Variants in SEC63 observed in about 807,000 individuals in gnomAD.
The protein encoded by SEC63 is translocation protein SEC63 homolog.
In SEC63, 56 loss-of-function variants were observed where a neutral mutation model predicts 116.2. That is an observed-to-expected ratio of 0.48 (90% CI 0.39 to 0.60). SEC63 has a LOEUF of 0.60. SEC63 is among the 20% of genes least tolerant of loss of function. The probability of loss-of-function intolerance (pLI) is 0.00; values close to 1 mark genes in which losing one functional copy is unlikely to be tolerated. For synonymous variants in SEC63, 273 were observed against 294.6 expected, an observed-to-expected ratio of 0.93 and a Z score of 0.75; for missense variants, 668 against 900.0, an observed-to-expected ratio of 0.74 and a Z score of 3.30.
At chr6:107,909,924 T>C (rs1011349496) in intron 7 of SEC63, among the ~76,000 whole-genome samples, 17 of 152,212 alleles carry the variant, frequency 1.1e-4, no homozygotes, top group Non-Finnish European at 2.9e-5. Context: ...ATCTCCGTAT[T>C]ATAGTATTAT....
At chr6:107,934,474 T>G (rs555201777) in intron 1 of SEC63, among the ~76,000 whole-genome samples, 24 of 97,810 alleles carry the variant, frequency 2.5e-4, no homozygotes, top group African/African-American at 8.9e-4. Flanking sequence ...GGAGCGTCTC[T>G]GCCCGGCCGC....
chr6:107,924,938 T>C lies in SEC63; in HGVS notation c.225-6A>G, dbSNP rs757729461. ...CTGCAAGCAGAACTATTTTCCTGTT[T>C]AGGAAAAAGGTAAGTGAATCATAAA... On this transcript the variant is annotated splice_region_variant and splice_polypyrimidine_tract_variant and intron_variant, in intron 2 of 20. Transcript: ENST00000369002. 2.7e-6 allele frequency: 4 copies of C among 1,488,134 alleles called. No individual in the cohort carries two copies. The highest frequency in any genetic ancestry group is 1.7e-4 in the Middle Eastern group (1 of 5,828). The allele number at this position is 1,488,134 out of a possible 1,614,324, so 92.2% of individuals were successfully genotyped here.
intron 1 of SEC63, among the ~76,000 whole-genome samples, chr6:107,940,352 T>C (rs1333493716): frequency 6.6e-6 from 1 of 152,180 alleles, no homozygotes; most frequent in African/African-American, 2.4e-5. Flanking sequence ...CATACAATTA[T>C]ATCATATATT....
intron 6 of SEC63, 114 bp from the exon 7 acceptor site, chr6:107,911,510 T>C: frequency 1.4e-6 from 1 of 740,550 alleles, no homozygotes; most frequent in Non-Finnish European, 2.4e-6. Context: ...ATTCCTCATG[T>C]ATTATCTTGT....
chr6:107,876,902 C>A, intron 18 of SEC63: 1 of 445,594 alleles, frequency 2.2e-6, no homozygotes. Flanking sequence ...TCCTTAAAAC[C>A]TATTGATTGG....
intron 1 of SEC63, among the ~76,000 whole-genome samples, chr6:107,930,465 G>A (rs1319304899): frequency 1.3e-5 from 2 of 151,772 alleles, no homozygotes; most frequent in Admixed American, 1.3e-4. Context: ...AAATTAGCCA[G>A]GCGTGGTGGT....
intron 3 of SEC63, among the ~76,000 whole-genome samples, chr6:107,923,692 A>AT (rs34366728): frequency 0.074 from 10,271 of 139,090 alleles, 1,112 homozygotes; most frequent in African/African-American, 0.26. Context: ...CACCCAGGTA[A>AT]TTTTTTTTTT....
intron 4 of SEC63, among the ~76,000 whole-genome samples, chr6:107,913,845 C>T (rs1787340264): frequency 6.6e-6 from 1 of 152,112 alleles, no homozygotes; most frequent in South Asian, 2.1e-4. Context: ...ATGATAAATA[C>T]ACATTTTTTA....
In SEC63 at chr6:107,908,926, C is replaced by T. The variant is rs886041028; in HGVS notation, c.733+1G>A. 3.2e-6 allele frequency: 5 copies of T among 1,563,806 alleles called. No individual in the cohort carries two copies. Among genetic ancestry groups the T allele is most frequent in the East Asian group, 2.2e-5 (1 of 44,556 alleles). On this transcript the variant is annotated splice_donor_variant, in intron 8 of 20. Coordinates refer to ENST00000369002, the MANE Select transcript of SEC63 (RefSeq NM_007214.5). LOFTEE classifies it high-confidence loss of function. ...AGCAAAGTTACTTAAAGTTTACTTA[C>T]GTTTCATATCCATATTTCGGGTTTT...
intron 1 of SEC63, among the ~76,000 whole-genome samples, chr6:107,941,512 AAAGG>A (rs1770375300): frequency 6.6e-6 from 1 of 152,138 alleles, no homozygotes; most frequent in South Asian, 2.1e-4. Context: ...CAAAAAAAAA[AAAGG>A]AAGAAGGAAA....
intron 7 of SEC63, 65 bp downstream of exon 7, chr6:107,911,281 G>A (rs1175230750): frequency 2.4e-5 from 25 of 1,049,686 alleles, no homozygotes; most frequent in Non-Finnish European, 3.6e-5. Context: ...AATGTTATAG[G>A]GAGACTCCAA....
At chr6:107,892,552 C>T (rs765145583) in intron 16 of SEC63, among the ~76,000 whole-genome samples, 18 of 151,292 alleles carry the variant, frequency 1.2e-4, no homozygotes, top group Admixed American at 2.6e-4. Context: ...ACCTCACTGA[C>T]GAAAAAAAGA....
intron 10 of SEC63, among the ~76,000 whole-genome samples, 165 bp downstream of exon 10, chr6:107,906,283 G>A (rs1047747295): frequency 2.0e-5 from 3 of 152,160 alleles, no homozygotes; most frequent in African/African-American, 7.2e-5. Context: ...TTCCTGTACA[G>A]CCATCAGAAC....
At chr6:107,949,396 T>C (rs1444368559) in intron 1 of SEC63, among the ~76,000 whole-genome samples, 1 of 152,054 alleles carries the variant, frequency 6.6e-6, no homozygotes. Context: ...TCCCAGCACT[T>C]TGAGAGTCCG....
At chr6:107,904,424 AC>A (rs1298832653) in intron 11 of SEC63, among the ~76,000 whole-genome samples, 1 of 151,826 alleles carries the variant, frequency 6.6e-6, no homozygotes, top group Non-Finnish European at 1.5e-5. Context: ...AAAAAAAAGA[AC>A]AAAAAAAACC....
chr6:107,876,789 TA>T, intron 18 of SEC63, 127 bp from the exon 19 acceptor site: 1 of 665,500 alleles, frequency 1.5e-6, no homozygotes, highest in Non-Finnish European at 2.7e-6. Context: ...TGGTACAAAA[TA>T]GGTATTCAAA....
intron 18 of SEC63, chr6:107,877,314 A>C (rs1381922153): frequency 6.6e-6 from 1 of 152,202 alleles, no homozygotes; most frequent in East Asian, 1.9e-4. Context: ...AAAACAAAAT[A>C]AACTCTAGGA....
chr6:107,884,407 C>T (rs73499127), intron 16 of SEC63, among the ~76,000 whole-genome samples: 5,835 of 151,694 alleles, frequency 0.038, 360 homozygotes, highest in African/African-American at 0.13. Context: ...GAACAAGAGG[C>T]GTAACTATAT....
intron 10 of SEC63, among the ~76,000 whole-genome samples, chr6:107,906,197 A>G (rs964212059): frequency 2.0e-5 from 3 of 152,154 alleles, no homozygotes; most frequent in Non-Finnish European, 4.4e-5. Context: ...ATGTGAAGAC[A>G]CTTGCTCTGC....
Sources: gnomAD v4.1 joint callset for allele counts (sites outside exome capture counted in the v4.1 genomes callset) on GRCh38, gnomAD v4.1.1 for gene constraint, MANE v1.5 for transcripts, NCBI Gene and HGNC (gene_info 2026-07-23, HGNC 2026-07-21) for gene names.